The following PLCG1 variants were observed in gnomAD, a reference collection of about 807,000 sequenced individuals.
PLCG1 encodes the protein phospholipase C gamma 1.
PLCG1 carries 71 observed loss-of-function variants against 177.8 expected under a neutral mutation model. The observed-to-expected ratio is 0.40, with a 90% confidence interval of 0.33 to 0.49. PLCG1 has a LOEUF of 0.49. Among genes scored for constraint, PLCG1 ranks in the 20% least tolerant of loss-of-function variants. The pLI is 0.72. For missense variants in PLCG1, 1,281 were observed against 1,709.0 expected (o/e 0.75, Z 4.42); for synonymous variants, 658 against 647.9 (o/e 1.02, Z -0.24).
Position 41,172,354 on chromosome 20 carries a change from AT to A in PLCG1, c.2906-64del. The A allele has an allele frequency of 6.3e-7, 1 of 1,575,670 alleles. No homozygotes were observed. The highest frequency in any genetic ancestry group is 1.1e-5 in the South Asian group (1 of 90,348). ...AGGGCCTGGTGGGTGCAAAAAGAGT[AT>A]TTAGGTATCCCCCCAACACTTCCTG... On this transcript the variant is annotated intron_variant, in intron 25 of 31. Transcript: ENST00000685551. The surrounding 1 kb of genome is among the most constrained non-coding windows in gnomAD (Gnocchi z 7.0).
chr20:41,172,843 TCCG>T lies in PLCG1; in HGVS notation c.3247_3249del (p.Arg1083del). The T allele has an allele frequency of 1.9e-6, 3 of 1,614,146 alleles. No individual in the cohort carries two copies. The highest frequency in any genetic ancestry group is 2.5e-6 in the Non-Finnish European group (3 of 1,180,040). ...TTCGACCCCTTTGACAAGAGCAGCC[TCCG>T]CGGGCTGGAGCCATGTGCCATCTCT... On this transcript the variant is annotated inframe_deletion, in exon 27 of 32. Transcript: ENST00000685551. The surrounding 1 kb of genome is among the most constrained non-coding windows in gnomAD (Gnocchi z 7.0).
rs138668807 is a variant in PLCG1, at chr20:41,166,700, T to C, written c.2142T>C (p.His714=). The C allele has an allele frequency of 4.3e-6, 7 of 1,614,022 alleles. No individual in the cohort carries two copies. The highest frequency in any genetic ancestry group is 1.7e-5 in the Admixed American group (1 of 60,000). The change falls in exon 19 of 32, where the codon CAT becomes CAC. Residue 714 remains histidine (H), a synonymous_variant. Coordinates refer to ENST00000685551, the MANE Select transcript of PLCG1 (RefSeq NM_002660.3). This position sits in a 1 kb window ranked among gnomAD's most constrained non-coding sequence, Gnocchi z 8.6. ...GAAGGGCTGAGGGCAAGATCAAGCA[T>C]TGCCGTGTCCAGCAAGAGGGCCAGA... ...ISFRAEGKIK[H]CRVQQEGQTV... is the part of the protein sequence containing the mutation.
Position 41,172,953 on chromosome 20 carries a change from C to T in PLCG1, c.3279+76C>T. The T allele has an allele frequency of 1.3e-5, 20 of 1,487,336 alleles. No homozygotes were observed. Among genetic ancestry groups the T allele is most frequent in the Non-Finnish European group, 1.8e-5 (20 of 1,092,870 alleles). The allele number at this position is 1,487,336 out of a possible 1,614,324, so 92.1% of individuals were successfully genotyped here. A position where few individuals can be genotyped will look rare whatever the true frequency, so the allele number is the denominator to read the frequency against. Reference sequence around the variant, plus strand: ...TGGAGTCTGTTTATGTTGAGTTCTCCAAAAGTAGGTATTTTCAGGCATCAA... The same window carrying T: ...TGGAGTCTGTTTATGTTGAGTTCTCTAAAAGTAGGTATTTTCAGGCATCAA... On this transcript the variant is annotated intron_variant, in intron 27 of 31. Transcript: ENST00000685551. The surrounding 1 kb of genome is among the most constrained non-coding windows in gnomAD (Gnocchi z 7.0).
chr20:41,139,687 A>G (rs2034752091), intron 1 of PLCG1, among the ~76,000 whole-genome samples: 1 of 152,216 alleles, frequency 6.6e-6, no homozygotes, highest in Non-Finnish European at 1.5e-5. Context: ...TTTAATAAAT[A>G]TGAGCTGTTA....
Position 41,164,016 on chromosome 20 carries a change from G to A in PLCG1, c.1096+10G>A, listed in dbSNP as rs779866443. On this transcript the variant is annotated intron_variant, in intron 11 of 31. Coordinates refer to ENST00000685551, the MANE Select transcript of PLCG1 (RefSeq NM_002660.3). The surrounding 1 kb of genome is among the most constrained non-coding windows in gnomAD (Gnocchi z 6.4). The stretch of plus-strand genomic sequence containing the variant: ...TGTCGCTGCATTGAGTGTGCGTGGG[G>A]TCCAGGGCTGGGGGAGGGAAGATGG... 5.0e-6 allele frequency: 8 copies of A among 1,614,186 alleles called. No individual in the cohort carries two copies. The highest frequency in any genetic ancestry group is 1.6e-4 in the Middle Eastern group (1 of 6,062).
At position 41,174,429 on chromosome 20, in the gene PLCG1, C is replaced by A; in HGVS notation, c.3834-38C>A. 6.3e-7 allele frequency: 1 copy of A among 1,592,852 alleles called. No homozygotes were observed. Among genetic ancestry groups the A allele is most frequent in the South Asian group, 1.1e-5 (1 of 88,794 alleles). Reference sequence around the variant, plus strand: ...ATTGTCTGGCATTGGGCTGCAAGGCCCTGCCTGCCAGTAAGGACACTCTTC... The same window carrying A: ...ATTGTCTGGCATTGGGCTGCAAGGCACTGCCTGCCAGTAAGGACACTCTTC... On this transcript the variant is annotated intron_variant, in intron 31 of 31. Transcript: ENST00000685551. The surrounding 1 kb of genome is among the most constrained non-coding windows in gnomAD (Gnocchi z 5.8).
chr20:41,166,525 C>T lies in PLCG1; in HGVS notation c.2050C>T (p.Arg684Cys). The change falls in exon 18 of 32, where the codon CGC (arginine) becomes TGC (cysteine). Residue 684 changes from arginine to cysteine, a missense_variant. Physicochemically the swap from Arg to Cys is radical, Grantham distance 180. Transcript: ENST00000685551. This position sits in a 1 kb window ranked among gnomAD's most constrained non-coding sequence, Gnocchi z 8.6. ...TRAQAEHMLM[R>C]VPRDGAFLVR... Reference sequence around the variant, plus strand: ...AGCACAGGCTGAGCACATGCTAATGCGCGTCCCTCGTGATGGGGCCTTCCT... The same window carrying T: ...AGCACAGGCTGAGCACATGCTAATGTGCGTCCCTCGTGATGGGGCCTTCCT... 2 of 1,614,142 alleles carry T rather than the reference C, an allele frequency of 1.2e-6. No individual in the cohort carries two copies. The highest frequency in any genetic ancestry group is 1.3e-5 in the African/African-American group (1 of 75,062).
intron 1 of PLCG1, among the ~76,000 whole-genome samples, chr20:41,155,032 C>T (rs1263519154): frequency 6.6e-6 from 1 of 152,232 alleles, no homozygotes; most frequent in Admixed American, 6.5e-5. Flanking sequence ...TCTCTAATCT[C>T]TGTGGTCTCA....
At chr20:41,170,917 G>C (rs1304587952) in intron 24 of PLCG1, 1 of 152,546 alleles carries the variant, frequency 6.6e-6, no homozygotes, top group East Asian at 1.9e-4. Context: ...GCCTGTCCTT[G>C]AGGGAGAGAA....
In PLCG1 at chr20:41,146,920, G is replaced by T. The variant is rs1282090066; in HGVS notation, c.217+9062G>T. On this transcript the variant is annotated intron_variant, in intron 1 of 31. Coordinates refer to ENST00000685551, the MANE Select transcript of PLCG1 (RefSeq NM_002660.3). This position sits in a 1 kb window ranked among gnomAD's most constrained non-coding sequence, Gnocchi z 6.3. ...TAGGAAGGAGTGAAGGAGAGCTCCA[G>T]TTGGCCATAGGTCCCACAGGTTTCT... Among the ~76,000 whole-genome samples the T allele has an allele frequency of 2.6e-5, 4 of 152,202 alleles. No individual in the cohort carries two copies. Among genetic ancestry groups the T allele is most frequent in the Admixed American group, 2.6e-4 (4 of 15,280 alleles).
At chr20:41,158,488 C>T (rs1339205195) in intron 1 of PLCG1, among the ~76,000 whole-genome samples, 1 of 152,136 alleles carries the variant, frequency 6.6e-6, no homozygotes, top group Non-Finnish European at 1.5e-5. Flanking sequence ...AGCAGGCAGC[C>T]CCTCCCTGTG....
chr20:41,165,980 T>A lies in PLCG1; in HGVS notation c.1799+154T>A, dbSNP rs202135843. 86 of 684,762 alleles carry A rather than the reference T, an allele frequency of 1.3e-4. No homozygotes were observed. Among genetic ancestry groups the A allele is most frequent in the Middle Eastern group, 3.7e-4 (1 of 2,686 alleles). The allele number at this position is 684,762 out of a possible 1,614,324, so 42.4% of individuals were successfully genotyped here. On this transcript the variant is annotated intron_variant, in intron 16 of 31. Transcript: ENST00000685551. This position sits in a 1 kb window ranked among gnomAD's most constrained non-coding sequence, Gnocchi z 6.6. ...ATTTCACCTACATACACACACACAC[T>A]CTCTGTCTCACCCCCCCCCCATACC...
At chr20:41,143,035 G>A (rs557252249) in intron 1 of PLCG1, among the ~76,000 whole-genome samples, 23 of 152,180 alleles carry the variant, frequency 1.5e-4, no homozygotes, top group Admixed American at 2.6e-4. Flanking sequence ...CTATTGTCAG[G>A]GCTCTTTCCC....
chr20:41,139,203 G>A (rs2034728678), intron 1 of PLCG1, among the ~76,000 whole-genome samples: 1 of 152,184 alleles, frequency 6.6e-6, no homozygotes, highest in African/African-American at 2.4e-5. Context: ...CTTAGAAATG[G>A]CAGCCCCCTT....
intron 1 of PLCG1, among the ~76,000 whole-genome samples, chr20:41,149,524 G>A (rs1448305240): frequency 6.6e-6 from 1 of 152,228 alleles, no homozygotes; most frequent in Non-Finnish European, 1.5e-5. Context: ...ACAGTGTTTG[G>A]TTTTGAGGAG....
At chr20:41,170,593 A>T (rs2035867143) in intron 24 of PLCG1, 3 of 271,020 alleles carry the variant, frequency 1.1e-5, no homozygotes, top group Non-Finnish European at 2.1e-5. Context: ...GAGGCATAGA[A>T]GGGATGAGGT....
At chr20:41,143,308 G>A (rs1467212766) in intron 1 of PLCG1, among the ~76,000 whole-genome samples, 3 of 152,200 alleles carry the variant, frequency 2.0e-5, no homozygotes, top group Non-Finnish European at 4.4e-5. Context: ...CCTGTGGGAT[G>A]TGGCTTCAAG....
chr20:41,170,491 T>C lies in PLCG1; in HGVS notation c.2808+222T>C, dbSNP rs575326954. On this transcript the variant is annotated intron_variant, in intron 24 of 31. Transcript: ENST00000685551. Reference sequence around the variant, plus strand: ...TTGAGTTTGAGATACTGATGGGTCGTTGAAGTGGGTCTGCTTAGTGGGCAA... The same window carrying C: ...TTGAGTTTGAGATACTGATGGGTCGCTGAAGTGGGTCTGCTTAGTGGGCAA... 1.1e-5 allele frequency: 6 copies of C among 544,296 alleles called. No homozygotes were observed. In the South Asian group the frequency reaches 1.4e-4, roughly 12 times the overall value. The allele number at this position is 544,296 out of a possible 1,614,324, so 33.7% of individuals were successfully genotyped here. A position where few individuals can be genotyped will look rare whatever the true frequency, so the allele number is the denominator to read the frequency against.
chr20:41,162,363 T>G, intron 4 of PLCG1, 89 bp from the exon 5 acceptor site: 2 of 938,426 alleles, frequency 2.1e-6, no homozygotes, highest in East Asian at 2.4e-5. Flanking sequence ...TAGTGTTGTT[T>G]ACCTGTCCAG....
Sources: gnomAD v4.1 joint callset for allele counts (sites outside exome capture counted in the v4.1 genomes callset) on GRCh38, gnomAD v4.1.1 for gene constraint, Gnocchi (gnomAD v3.1) non-coding constraint, MANE v1.5 for transcripts, NCBI Gene and HGNC (gene_info 2026-07-23, HGNC 2026-07-21) for gene names.